Variants in POLR1C observed in about 807,000 individuals in gnomAD.
POLR1C encodes the protein DNA-directed RNA polymerases I and III subunit RPAC1.
Under a neutral mutation model 38.3 loss-of-function variants are expected in POLR1C, and 42 were observed. The ratio of observed to expected loss-of-function variants is 1.10; its 90% CI spans 0.86 to 1.42. POLR1C has a LOEUF of 1.42. Ranked by LOEUF, POLR1C falls within the 40% of genes most tolerant of loss-of-function variation. POLR1C has a pLI of 0.00. For missense variants in POLR1C, 507 were observed against 450.5 expected (o/e 1.13, Z -1.14); for synonymous variants, 163 against 163.9 (o/e 0.99, Z 0.04).
At position 43,521,189 on chromosome 6, in the gene POLR1C, T is replaced by TCA; in HGVS notation, c.930_931insCA (p.Glu311GlnfsTer13). On this transcript the variant is annotated frameshift_variant, in exon 9 of 9. Transcript: ENST00000642195. LOFTEE classifies it high-confidence loss of function. ...TGTCTCTTTGGTCCCCAGTCTCTGT[T>TCA]GAGTCAACGGGGGTGTTGCCACCAG... The TCA allele has an allele frequency of 6.2e-7, 1 of 1,614,136 alleles. No homozygotes were observed. Among genetic ancestry groups the TCA allele is most frequent in the Non-Finnish European group, 8.5e-7 (1 of 1,179,994 alleles).
chr6:43,520,539 G>C, intron 6 of POLR1C, 86 bp from the exon 7 acceptor site: 1 of 1,601,848 alleles, frequency 6.2e-7, no homozygotes, highest in Non-Finnish European at 8.6e-7. Flanking sequence ...CAAGAGGGTT[G>C]TGCTTTTGCT....
In POLR1C at chr6:43,517,337, C is replaced by T; in HGVS notation, c.101C>T (p.Ser34Phe). ...ACTACTGACTTTCCCGGTAACTATT[C>T]CGGTTATGATGATGCCTGGGACCAG... ...VHTTDFPGNY[S>F]GYDDAWDQDR... The change falls in exon 2 of 9, where the codon TCC becomes TTC. Residue 34 changes from serine to phenylalanine, a missense_variant. By Grantham distance (155) the Ser-to-Phe change is radical (BLOSUM62 -2). Coordinates refer to ENST00000642195, the MANE Select transcript of POLR1C (RefSeq NM_203290.4). The T allele has an allele frequency of 6.2e-7, 1 of 1,614,090 alleles. No individual in the cohort carries two copies. Among genetic ancestry groups the T allele is most frequent in the Non-Finnish European group, 8.5e-7 (1 of 1,180,002 alleles).
downstream of POLR1C, chr6:43,531,580 A>G (rs1793982282): frequency 6.2e-7 from 1 of 1,611,440 alleles, no homozygotes; most frequent in South Asian, 1.1e-5. Flanking sequence ...GTAATCCTAC[A>G]GGGAAATACG....
At chr6:43,522,940 G>T, downstream of POLR1C, 1 of 168,450 alleles carries the variant, frequency 5.9e-6, no homozygotes, top group Admixed American at 6.2e-5. Flanking sequence ...TTTGAGAAAA[G>T]TAACCAGGGA....
intron 10 of POLR1C, chr6:43,555,711 C>A (rs1762044668): frequency 1.7e-6 from 2 of 1,201,294 alleles, no homozygotes; most frequent in East Asian, 5.3e-5. Context: ...CCAGGATGAG[C>A]AAAGCTATTT....
chr6:43,533,842 C>CA (rs11404474), downstream of POLR1C: 22 of 1,283,926 alleles, frequency 1.7e-5, no homozygotes, highest in African/African-American at 3.0e-5. Context: ...TAAAAAACAA[C>CA]AAAAAAAGGG....
chr6:43,556,205 T>C, intron 10 of POLR1C: 2 of 426,804 alleles, frequency 4.7e-6, no homozygotes, highest in South Asian at 6.3e-5. Context: ...AAACTAAACT[T>C]AGTCTCCCAT....
At chr6:43,549,313 C>T (rs1222439759) in intron 9 of POLR1C, among the ~76,000 whole-genome samples, 1 of 152,204 alleles carries the variant, frequency 6.6e-6, no homozygotes, top group African/African-American at 2.4e-5. Context: ...ATCTACCCAC[C>T]TCAGTCTCCC....
chr6:43,530,288 A>G (rs895628565), downstream of POLR1C, among the ~76,000 whole-genome samples: 4 of 151,972 alleles, frequency 2.6e-5, no homozygotes, highest in African/African-American at 7.2e-5. Flanking sequence ...GCTGGGCGTG[A>G]TGGTGCACAC....
chr6:43,533,089 T>C (rs1794085897), downstream of POLR1C, among the ~76,000 whole-genome samples: 1 of 152,056 alleles, frequency 6.6e-6, no homozygotes, highest in African/African-American at 2.4e-5. Flanking sequence ...GAGCTGAGAT[T>C]GCACCACTGT....
At chr6:43,522,662 G>A (rs764517398), downstream of POLR1C, 18 of 464,772 alleles carry the variant, frequency 3.9e-5, no homozygotes, top group Admixed American at 1.9e-4. Context: ...CCTGTGGCCC[G>A]CACCAGCTAA....
chr6:43,554,581 C>T (rs1342110976), intron 10 of POLR1C, among the ~76,000 whole-genome samples: 6 of 151,944 alleles, frequency 3.9e-5, no homozygotes, highest in African/African-American at 9.7e-5. Context: ...CCCACCACCA[C>T]GCCTGGCTAA....
Position 43,526,670 on chromosome 6 carries a change from C to A in POLR1C, c.923-2579C>A, listed in dbSNP as rs1454021455. 4 of 1,613,706 alleles carry A rather than the reference C, an allele frequency of 2.5e-6. No individual in the cohort carries two copies. In the South Asian group the frequency reaches 4.4e-5, roughly 18 times the overall value. On this transcript the variant is annotated intron_variant, in intron 8 of 8. Coordinates refer to the POLR1C transcript ENST00000304004. ...GGCTAAGAGCAGAACTCCAAGGTCT[C>A]ACAGGCTCACTTACCGTCTCCATCT...
intron 10 of POLR1C, chr6:43,556,086 G>A (rs2127739051): frequency 7.5e-7 from 1 of 1,329,670 alleles, no homozygotes; most frequent in Non-Finnish European, 1.0e-6. Context: ...TTGCAGACTT[G>A]TGCTTTGCAT....
intron 9 of POLR1C, among the ~76,000 whole-genome samples, chr6:43,543,437 G>A (rs1001808230): frequency 1.1e-4 from 16 of 152,034 alleles, no homozygotes; most frequent in Admixed American, 3.9e-4. Flanking sequence ...TGGGCGACAG[G>A]ATAAGATCGT....
At position 43,517,548 on chromosome 6, in the gene POLR1C, G is replaced by C. The variant is rs574761578; in HGVS notation, c.141+171G>C. ...CCAAATTAGACACGGTTTCTACCCA[G>C]TTCTGCAAAGATGTTCAGTCTTGTT... On this transcript the variant is annotated intron_variant, in intron 2 of 8. Coordinates refer to ENST00000642195, the MANE Select transcript of POLR1C (RefSeq NM_203290.4). Among the ~76,000 whole-genome samples, 8 of 152,086 alleles carry C rather than the reference G, an allele frequency of 5.3e-5. No homozygotes were observed. In the East Asian group the frequency reaches 1.5e-3, roughly 29 times the overall value.
At chr6:43,523,589 T>C, downstream of POLR1C, 2 of 630,596 alleles carry the variant, frequency 3.2e-6, no homozygotes, top group East Asian at 6.9e-5. Context: ...GCTGCTCTGC[T>C]CTAGCTTTTC....
chr6:43,521,103 T>C, intron 8 of POLR1C, 55 bp downstream of exon 8: 2 of 1,599,438 alleles, frequency 1.3e-6, no homozygotes, highest in Non-Finnish European at 1.7e-6. Context: ...TGCAGCTTCC[T>C]TCCAGTCTAG....
chr6:43,540,084 T>C (rs1794607477), intron 9 of POLR1C, among the ~76,000 whole-genome samples: 1 of 152,188 alleles, frequency 6.6e-6, no homozygotes, highest in South Asian at 2.1e-4. Flanking sequence ...GATGAAACCC[T>C]GTCTCTACTG....
Sources: allele counts gnomAD v4.1 joint callset (sites outside exome capture counted in the v4.1 genomes callset), GRCh38; gene constraint gnomAD v4.1.1; transcripts MANE v1.5; gene names NCBI Gene and HGNC (gene_info 2026-07-23, HGNC 2026-07-21).